Variants in WWTR1 observed in about 807,000 individuals in gnomAD.
WWTR1 encodes WW domain containing transcription regulator 1.
In WWTR1, 13 loss-of-function variants were observed where a neutral mutation model predicts 40.1. That is an observed-to-expected ratio of 0.32 (90% CI 0.21 to 0.52). WWTR1 has a LOEUF of 0.52. WWTR1 is among the 20% of genes least tolerant of loss of function. The probability of loss-of-function intolerance (pLI) is 0.97; values close to 1 mark genes in which losing one functional copy is unlikely to be tolerated. For missense variants in WWTR1, 436 were observed against 523.1 expected (o/e 0.83, Z 1.63); for synonymous variants, 230 against 210.1 (o/e 1.09, Z -0.82).
chr3:149,619,492 A>G (rs1470390197), intron 2 of WWTR1, among the ~76,000 whole-genome samples: 1 of 152,134 alleles, frequency 6.6e-6, no homozygotes, highest in Non-Finnish European at 1.5e-5. Context: ...GCATAGTGGC[A>G]TGCTCCTGCA....
intron 3 of WWTR1, 53 bp from the exon 4 acceptor site, chr3:149,542,590 CA>C (rs1387626824): frequency 2.0e-6 from 3 of 1,504,458 alleles, no homozygotes; most frequent in Non-Finnish European, 2.7e-6. Flanking sequence ...AATACCTTAT[CA>C]AAAATAGACC....
chr3:149,550,331 C>T (rs535742164), intron 3 of WWTR1, among the ~76,000 whole-genome samples: 2 of 152,098 alleles, frequency 1.3e-5, no homozygotes, highest in South Asian at 2.1e-4. Context: ...AAATGTTGGG[C>T]TAAAGAAAGT....
At position 149,552,131 on chromosome 3, in the gene WWTR1, T is replaced by C. The variant is rs770986381; in HGVS notation, c.569-9594A>G. On this transcript the variant is annotated intron_variant, in intron 3 of 6. Transcript: ENST00000360632. Reference sequence around the variant, plus strand: ...TGAAGTAAAGCTCTTTTAAGAAACATTGAACTATTCTCTTCCTGTGATTTG... The same window carrying C: ...TGAAGTAAAGCTCTTTTAAGAAACACTGAACTATTCTCTTCCTGTGATTTG... Among the ~76,000 whole-genome samples the C allele has an allele frequency of 8.9e-5, 13 of 145,500 alleles. 3 individuals are homozygous for C. Among genetic ancestry groups the C allele is most frequent in the Non-Finnish European group, 2.0e-4 (13 of 66,314 alleles).
chr3:149,544,580 G>A (rs1347652106), intron 3 of WWTR1, among the ~76,000 whole-genome samples: 1 of 152,158 alleles, frequency 6.6e-6, no homozygotes, highest in African/African-American at 2.4e-5. Context: ...TTATGGAATA[G>A]GGACTGTAAC....
At chr3:149,537,714 A>C (rs1345213885) in intron 4 of WWTR1, among the ~76,000 whole-genome samples, 1 of 152,068 alleles carries the variant, frequency 6.6e-6, no homozygotes, top group Non-Finnish European at 1.5e-5. Flanking sequence ...ACAATTCCTC[A>C]GTGCTGCCCC....
upstream of WWTR1, among the ~76,000 whole-genome samples, chr3:149,704,023 G>C (rs1715269727): frequency 2.0e-5 from 3 of 152,138 alleles, no homozygotes; most frequent in Admixed American, 2.0e-4. Flanking sequence ...TGTCACCAAG[G>C]CTGGAGTGCA....
At chr3:149,664,938 T>C (rs1713747504) in intron 2 of WWTR1, among the ~76,000 whole-genome samples, 1 of 152,114 alleles carries the variant, frequency 6.6e-6, no homozygotes, top group South Asian at 2.1e-4. Context: ...AGTAATGCAT[T>C]TGGGCTAGAG....
intron 3 of WWTR1, among the ~76,000 whole-genome samples, chr3:149,565,943 AAAAAAG>A (rs1363451781): frequency 2.0e-5 from 3 of 151,788 alleles, no homozygotes; most frequent in Non-Finnish European, 4.4e-5. Context: ...AAAAAAAAAA[AAAAAAG>A]AATCTCCTCT....
intron 5 of WWTR1, among the ~76,000 whole-genome samples, chr3:149,713,920 A>C (rs114705324): frequency 0.012 from 1,840 of 152,164 alleles, 38 homozygotes; most frequent in African/African-American, 0.042. Flanking sequence ...GCTGCTCTGG[A>C]CCCTGGCCCC....
At chr3:149,583,430 T>C (rs560932250) in intron 2 of WWTR1, among the ~76,000 whole-genome samples, 1 of 152,230 alleles carries the variant, frequency 6.6e-6, no homozygotes, top group African/African-American at 2.4e-5. Context: ...ACTCCAACAG[T>C]TGGGCTTAAG....
At chr3:149,623,065 T>C (rs1740389759) in intron 2 of WWTR1, among the ~76,000 whole-genome samples, 1 of 152,084 alleles carries the variant, frequency 6.6e-6, no homozygotes. Flanking sequence ...TTAAAAATCT[T>C]TGAGAATGTT....
chr3:149,630,438 T>A (rs1027740240), intron 2 of WWTR1, among the ~76,000 whole-genome samples: 1 of 152,188 alleles, frequency 6.6e-6, no homozygotes, highest in African/African-American at 2.4e-5. Flanking sequence ...AGATCTAAAC[T>A]GTTTCCACTC....
At chr3:149,580,229 T>C (rs920070492) in intron 2 of WWTR1, among the ~76,000 whole-genome samples, 1 of 152,216 alleles carries the variant, frequency 6.6e-6, no homozygotes, top group Non-Finnish European at 1.5e-5. Flanking sequence ...TATCTTACAT[T>C]TCTTTTAGTA....
At chr3:149,525,967 T>TA (rs1301856527) in intron 6 of WWTR1, 46 bp downstream of exon 6, 8 of 1,166,542 alleles carry the variant, frequency 6.9e-6, no homozygotes, top group Non-Finnish European at 9.5e-6. Context: ...AGAGATCATT[T>TA]AAAAAACACA....
intron 2 of WWTR1, among the ~76,000 whole-genome samples, chr3:149,620,563 C>CA (rs760452854): frequency 3.5e-4 from 4 of 11,568 alleles, no homozygotes; most frequent in Non-Finnish European, 6.0e-4. Flanking sequence ...TCCTCCACCG[C>CA]TCCCCCCCAC....
At chr3:149,541,188 A>T in intron 4 of WWTR1, 1 of 329,048 alleles carries the variant, frequency 3.0e-6, no homozygotes, top group Non-Finnish European at 6.0e-6. Context: ...CTCCCCAAAA[A>T]TGTAGCCAGA....
At chr3:149,637,628 T>A (rs183054850) in intron 2 of WWTR1, among the ~76,000 whole-genome samples, 1 of 152,096 alleles carries the variant, frequency 6.6e-6, no homozygotes, top group East Asian at 1.9e-4. Context: ...ATTCTAAGAA[T>A]TGGCAAGTTG....
At chr3:149,525,737 A>G (rs1468286282) in intron 6 of WWTR1, 1 of 214,464 alleles carries the variant, frequency 4.7e-6, no homozygotes, top group African/African-American at 2.3e-5. Context: ...TTTTTTCAAC[A>G]TTTTTACAGA....
chr3:149,701,039 C>T (rs1715152816), intron 1 of WWTR1, among the ~76,000 whole-genome samples: 1 of 152,154 alleles, frequency 6.6e-6, no homozygotes, highest in Admixed American at 6.5e-5. Context: ...GCGGTAGGCC[C>T]AGAGTTTTTG....
Sources: allele counts gnomAD v4.1 joint callset (sites outside exome capture counted in the v4.1 genomes callset), GRCh38; gene constraint gnomAD v4.1.1; transcripts MANE v1.5; gene names NCBI Gene and HGNC (gene_info 2026-07-23, HGNC 2026-07-21).